Variants in PTPRG observed in about 807,000 individuals in gnomAD.
The protein encoded by PTPRG is protein tyrosine phosphatase receptor type G.
In PTPRG, 102 loss-of-function variants were observed where a neutral mutation model predicts 165.3. The ratio of observed to expected loss-of-function variants is 0.62; its 90% CI spans 0.53 to 0.73. The LOEUF (loss-of-function observed/expected upper bound fraction) is 0.73. Ranked by LOEUF, PTPRG falls within the 30% of genes least tolerant of loss-of-function variation. The pLI, the probability that PTPRG is intolerant of heterozygous loss-of-function variation, is 0.00. For missense variants in PTPRG, 1,866 were observed against 1,861.4 expected, an observed-to-expected ratio of 1.00 and a Z score of -0.05; for synonymous variants, 675 against 669.5, an observed-to-expected ratio of 1.01 and a Z score of -0.13.
At chr3:61,693,320 T>C (rs1034831853) in intron 1 of PTPRG, among the ~76,000 whole-genome samples, 1 of 152,150 alleles carries the variant, frequency 6.6e-6, no homozygotes, top group Non-Finnish European at 1.5e-5. Flanking sequence ...TAAGAGAAAA[T>C]TCAGATGCTT....
At chr3:62,125,902 T>C (rs1703273237) in intron 5 of PTPRG, among the ~76,000 whole-genome samples, 1 of 152,110 alleles carries the variant, frequency 6.6e-6, no homozygotes, top group Non-Finnish European at 1.5e-5. Flanking sequence ...AAAACCTTCT[T>C]GTCTCTGAAA....
intron 1 of PTPRG, among the ~76,000 whole-genome samples, chr3:61,726,983 C>T (rs2032288678): frequency 6.7e-6 from 1 of 150,314 alleles, no homozygotes. Flanking sequence ...GGAGGCGGAG[C>T]TTGCAGTGAG....
intron 1 of PTPRG, among the ~76,000 whole-genome samples, chr3:61,571,284 G>A (rs940842595): frequency 7.2e-5 from 11 of 152,144 alleles, no homozygotes; most frequent in Non-Finnish European, 1.5e-4. Context: ...GGCGGTGACT[G>A]TAATATGTTT....
In PTPRG at chr3:61,562,040, G is replaced by A. The variant is rs1699767966; in HGVS notation, c.-248G>A. 2.0e-6 allele frequency: 1 copy of A among 498,940 alleles called. No homozygotes were observed. Among genetic ancestry groups the A allele is most frequent in the Admixed American group, 3.3e-5 (1 of 30,368 alleles). The allele number at this position is 498,940 out of a possible 1,614,324, so 30.9% of individuals were successfully genotyped here. A position where few individuals can be genotyped will look rare whatever the true frequency, so the allele number is the denominator to read the frequency against. ...CGGCTCTCTCCTTTTTAAACGGAAA[G>A]CAGCCTTTCTCCGCCGAGAGGATCG... On this transcript the variant is annotated 5_prime_UTR_variant, in exon 1 of 30. Coordinates refer to ENST00000474889, the MANE Select transcript of PTPRG (RefSeq NM_002841.4).
chr3:61,594,544 A>G (rs934437619), intron 1 of PTPRG, among the ~76,000 whole-genome samples: 1 of 152,128 alleles, frequency 6.6e-6, no homozygotes, highest in Admixed American at 6.6e-5. Flanking sequence ...CCCCATCTGC[A>G]TACCACCTCC....
At chr3:61,767,053 G>A (rs1443986979) in intron 2 of PTPRG, among the ~76,000 whole-genome samples, 1 of 151,346 alleles carries the variant, frequency 6.6e-6, no homozygotes, top group African/African-American at 2.4e-5. Flanking sequence ...AGACCATCCC[G>A]GCCAACATGG....
chr3:61,940,750 G>A (rs897788670), intron 2 of PTPRG, among the ~76,000 whole-genome samples: 5 of 151,414 alleles, frequency 3.3e-5, no homozygotes, highest in Admixed American at 6.6e-5. Context: ...TGCAAGCTCC[G>A]CCTCCTGGGT....
intron 1 of PTPRG, among the ~76,000 whole-genome samples, chr3:61,604,318 C>T (rs1235015073): frequency 3.9e-5 from 6 of 151,964 alleles, no homozygotes; most frequent in Non-Finnish European, 8.8e-5. Flanking sequence ...GGTGAGACTC[C>T]GTCTCAAAAA....
intron 2 of PTPRG, among the ~76,000 whole-genome samples, chr3:61,761,671 C>G (rs1490031708): frequency 6.6e-6 from 1 of 152,202 alleles, no homozygotes; most frequent in African/African-American, 2.4e-5. Context: ...CAACCCATTT[C>G]TTGAATTGAG....
intron 23 of PTPRG, 122 bp from the exon 24 acceptor site, chr3:62,275,751 T>C: frequency 1.4e-6 from 1 of 691,584 alleles, no homozygotes; most frequent in Non-Finnish European, 2.4e-6. Context: ...TCTTAAAAGG[T>C]TCTTTGTGGC....
intron 2 of PTPRG, among the ~76,000 whole-genome samples, chr3:61,822,717 A>G (rs1160734046): frequency 1.3e-5 from 2 of 152,198 alleles, no homozygotes; most frequent in East Asian, 3.9e-4. Context: ...CTATTTTTAC[A>G]TGGCCATTAA....
At chr3:61,765,891 A>T (rs1462587550) in intron 2 of PTPRG, among the ~76,000 whole-genome samples, 1 of 152,134 alleles carries the variant, frequency 6.6e-6, no homozygotes, top group South Asian at 2.1e-4. Context: ...GTTTGTACTC[A>T]TTTGTTCCCA....
At chr3:61,956,470 T>C (rs2040033025) in intron 2 of PTPRG, among the ~76,000 whole-genome samples, 1 of 152,148 alleles carries the variant, frequency 6.6e-6, no homozygotes, top group African/African-American at 2.4e-5. Context: ...TGAAAAAATA[T>C]TTAATGTGGA....
At chr3:62,270,732 G>A (rs1252956907) in intron 20 of PTPRG, among the ~76,000 whole-genome samples, 1 of 152,076 alleles carries the variant, frequency 6.6e-6, no homozygotes, top group Non-Finnish European at 1.5e-5. Flanking sequence ...TAGAAATTAG[G>A]TATTGATAAT....
chr3:62,270,521 T>C (rs1702026230), intron 20 of PTPRG, among the ~76,000 whole-genome samples: 1 of 152,186 alleles, frequency 6.6e-6, no homozygotes, highest in Admixed American at 6.5e-5. Flanking sequence ...GCCCACTTAC[T>C]CTTGTTTTAG....
intron 1 of PTPRG, among the ~76,000 whole-genome samples, chr3:61,594,741 G>T (rs370614874): frequency 1.8e-4 from 27 of 152,274 alleles, no homozygotes; most frequent in African/African-American, 6.5e-4. Flanking sequence ...TCACTACTTT[G>T]CATGTTGGTA....
At chr3:62,168,597 C>T (rs1286723760) in intron 8 of PTPRG, among the ~76,000 whole-genome samples, 2 of 152,134 alleles carry the variant, frequency 1.3e-5, no homozygotes, top group East Asian at 1.9e-4. Context: ...AGTCACCATT[C>T]GCTGCTCAGA....
intron 2 of PTPRG, among the ~76,000 whole-genome samples, chr3:61,828,899 G>T (rs1199123918): frequency 6.6e-6 from 1 of 152,146 alleles, no homozygotes; most frequent in South Asian, 2.1e-4. Context: ...CTTGGTCATG[G>T]GTGGAAGATA....
rs34211620 is a variant in PTPRG, at chr3:61,825,815, T to TTTGTTG, written c.190+76842_190+76847dup. 1.5e-4 allele frequency among the ~76,000 whole-genome samples: 23 copies of TTTGTTG among 151,576 alleles called. No homozygotes were observed. In the South Asian group the frequency reaches 4.8e-3, roughly 32 times the overall value. On this transcript the variant is annotated intron_variant, in intron 2 of 29. Coordinates refer to ENST00000474889, the MANE Select transcript of PTPRG (RefSeq NM_002841.4). ...TGTTCCCTACCACATCCAGCTACTTTTTGTTGTTGTTGTTTGGTAGAAATG... is the reference window on the plus strand; with the variant it reads ...TGTTCCCTACCACATCCAGCTACTTTTTGTTGTTGTTGTTGTTGTTTGGTAGAAATG...
Sources: gnomAD v4.1 joint callset for allele counts (sites outside exome capture counted in the v4.1 genomes callset) on GRCh38, gnomAD v4.1.1 for gene constraint, MANE v1.5 for transcripts, NCBI Gene and HGNC (gene_info 2026-07-23, HGNC 2026-07-21) for gene names.